The following CCDC60 variants were observed in gnomAD, a reference collection of about 807,000 sequenced individuals.
CCDC60 encodes the protein coiled-coil domain-containing protein 60.
Under a neutral mutation model 63.5 loss-of-function variants are expected in CCDC60, and 54 were observed. The observed-to-expected ratio is 0.85, with a 90% CI of 0.68 to 1.07. The LOEUF is 1.07. CCDC60 is among the 50% of genes least tolerant of loss of function. The pLI, the probability that CCDC60 is intolerant of heterozygous loss-of-function variation, is 0.00. For synonymous variants in CCDC60, 206 were observed against 238.8 expected (o/e 0.86, Z 1.27); for missense variants, 651 against 684.3 (o/e 0.95, Z 0.54).
intron 2 of CCDC60, among the ~76,000 whole-genome samples, chr12:119,432,383 T>C (rs1035352215): frequency 5.3e-5 from 8 of 152,212 alleles, no homozygotes; most frequent in African/African-American, 1.7e-4. Context: ...AGCAGGGACG[T>C]TGGATCAGAA....
At chr12:119,367,103 G>A (rs1955848177) in intron 1 of CCDC60, among the ~76,000 whole-genome samples, 2 of 152,162 alleles carry the variant, frequency 1.3e-5, no homozygotes, top group East Asian at 3.8e-4. Flanking sequence ...AAAGTGCTGG[G>A]ATTACAGGCG....
At chr12:119,504,770 C>T (rs1156899875) in intron 6 of CCDC60, among the ~76,000 whole-genome samples, 3 of 152,308 alleles carry the variant, frequency 2.0e-5, no homozygotes, top group East Asian at 1.9e-4. Context: ...ATGGAAAACA[C>T]GTTTGGCTTC....
intron 4 of CCDC60, among the ~76,000 whole-genome samples, chr12:119,483,084 T>C (rs1244852380): frequency 6.6e-6 from 1 of 152,172 alleles, no homozygotes; most frequent in East Asian, 1.9e-4. Flanking sequence ...TGAACACAGT[T>C]ACCCTCTCAC....
chr12:119,427,422 G>A lies in CCDC60; in HGVS notation c.91-1261G>A, dbSNP rs551730834. Among the ~76,000 whole-genome samples, 83 of 152,284 alleles carry A rather than the reference G, an allele frequency of 5.5e-4. 2 individuals carry two copies. In the South Asian group the frequency reaches 0.017, roughly 31 times the overall value. On this transcript the variant is annotated intron_variant, in intron 1 of 13. Transcript: ENST00000327554. ...TGCCGTTATACTTAATTGCTGCATTGTATTCCATTGTGTAGATACACCATA... is the reference window on the plus strand; with the variant it reads ...TGCCGTTATACTTAATTGCTGCATTATATTCCATTGTGTAGATACACCATA...
At chr12:119,447,351 T>C (rs569023134) in intron 2 of CCDC60, among the ~76,000 whole-genome samples, 2 of 152,274 alleles carry the variant, frequency 1.3e-5, no homozygotes, top group South Asian at 4.1e-4. Flanking sequence ...AAGGAGCCAT[T>C]GTGAATTCCT....
chr12:119,398,027 A>AGGAAGGGGCAGCGGGGG (rs1956304684), intron 1 of CCDC60, among the ~76,000 whole-genome samples: 1 of 20,182 alleles, frequency 5.0e-5, no homozygotes, highest in Non-Finnish European at 8.3e-5. Flanking sequence ...GGGCGGCGGG[A>AGGAAGGGGCAGCGGGGG]GGGAGGAAGG....
intron 1 of CCDC60, among the ~76,000 whole-genome samples, chr12:119,344,857 A>ACT (rs1955573672): frequency 2.5e-5 from 1 of 39,634 alleles, no homozygotes; most frequent in East Asian, 1.5e-3. Flanking sequence ...TCTCTCTCTC[A>ACT]CACACACACA....
chr12:119,496,286 G>T (rs1293097652), intron 5 of CCDC60, among the ~76,000 whole-genome samples: 1 of 152,242 alleles, frequency 6.6e-6, no homozygotes, highest in East Asian at 1.9e-4. Context: ...AGAGCACGAA[G>T]TATTTGAGAA....
chr12:119,383,371 C>CCA (rs1270315091), intron 1 of CCDC60, among the ~76,000 whole-genome samples: 1 of 152,212 alleles, frequency 6.6e-6, no homozygotes, highest in Non-Finnish European at 1.5e-5. Context: ...GCTATACCGA[C>CCA]CACATGGTCC....
intron 7 of CCDC60, among the ~76,000 whole-genome samples, chr12:119,512,384 G>T (rs1357191403): frequency 1.3e-5 from 2 of 152,178 alleles, no homozygotes; most frequent in Non-Finnish European, 2.9e-5. Context: ...GCTGCCAGGT[G>T]CTATCAATAA....
intron 1 of CCDC60, among the ~76,000 whole-genome samples, chr12:119,368,479 G>A (rs1592996202): frequency 1.3e-5 from 2 of 152,178 alleles, no homozygotes; most frequent in South Asian, 4.1e-4. Context: ...AAAGTCCAAG[G>A]AGCTTGCTGG....
intron 1 of CCDC60, among the ~76,000 whole-genome samples, chr12:119,337,808 ATGTG>A (rs796285545): frequency 7.2e-6 from 1 of 138,006 alleles, no homozygotes; most frequent in Non-Finnish European, 1.6e-5. Context: ...AGATTCACGC[ATGTG>A]TGTGTGTGTA....
Position 119,523,899 on chromosome 12 carries a change from G to C in CCDC60, c.1229+81G>C, listed in dbSNP as rs878918837. 6 of 1,437,610 alleles carry C rather than the reference G, an allele frequency of 4.2e-6. No individual in the cohort carries two copies. The South Asian group carries it at 7.5e-5, about 18-fold the overall frequency. 89.1% of individuals were successfully genotyped at this position (1,437,610 alleles called of 1,614,324 possible). ...ATGCCTGCCAGGTGCCAGGTGCTGG[G>C]GCTATATCACAAACAAGAAGAACTT... On this transcript the variant is annotated intron_variant, in intron 11 of 13. Coordinates refer to ENST00000327554, the MANE Select transcript of CCDC60 (RefSeq NM_178499.5).
rs186340553 is a variant in CCDC60, at chr12:119,482,097, T to C, written c.449+2896T>C. 7.9e-3 allele frequency among the ~76,000 whole-genome samples: 1,141 copies of C among 144,850 alleles called. 11 individuals carry two copies. The highest frequency in any genetic ancestry group is 0.027 in the African/African-American group (1,062 of 39,218). On this transcript the variant is annotated intron_variant, in intron 4 of 13. Transcript: ENST00000327554. ...TACTACTCATCCATATATATATATA[T>C]ACACATATATACACACATATATATA...
At chr12:119,522,451 C>T (rs1309477140) in intron 9 of CCDC60, among the ~76,000 whole-genome samples, 1 of 152,200 alleles carries the variant, frequency 6.6e-6, no homozygotes, top group Non-Finnish European at 1.5e-5. Flanking sequence ...GAGCTGCTTG[C>T]TCACAGACTG....
rs150848411 is a variant in CCDC60, at chr12:119,452,629, C to T, written c.171-19365C>T. 6.9e-3 allele frequency among the ~76,000 whole-genome samples: 1,044 copies of T among 152,266 alleles called. 6 individuals are homozygous for T. Among genetic ancestry groups the T allele is most frequent in the Non-Finnish European group, 9.5e-3 (645 of 68,024 alleles). ...AGCTGCAAAAGCTTTCTCACAGTTACTGGCACACGGTAATGAGTCATATTC... is the reference window on the plus strand; with the variant it reads ...AGCTGCAAAAGCTTTCTCACAGTTATTGGCACACGGTAATGAGTCATATTC... On this transcript the variant is annotated intron_variant, in intron 2 of 13. Coordinates refer to ENST00000327554, the MANE Select transcript of CCDC60 (RefSeq NM_178499.5).
At chr12:119,358,198 G>A (rs1955737541) in intron 1 of CCDC60, among the ~76,000 whole-genome samples, 1 of 152,128 alleles carries the variant, frequency 6.6e-6, no homozygotes, top group Admixed American at 6.5e-5. Context: ...ATTTGGGTGG[G>A]ACACAGATCC....
chr12:119,452,051 T>C (rs934105751), intron 2 of CCDC60, among the ~76,000 whole-genome samples: 2 of 152,206 alleles, frequency 1.3e-5, no homozygotes, highest in Non-Finnish European at 2.9e-5. Flanking sequence ...AGAATGAGTA[T>C]AATATGGTGT....
chr12:119,516,520 C>G (rs1566056623), intron 7 of CCDC60, 103 bp from the exon 8 acceptor site: 5 of 713,318 alleles, frequency 7.0e-6, no homozygotes, highest in East Asian at 5.0e-5. Context: ...CTCCAACCCT[C>G]AGGAGCAGAG....
Sources: allele counts gnomAD v4.1 joint callset (sites outside exome capture counted in the v4.1 genomes callset), GRCh38; gene constraint gnomAD v4.1.1; transcripts MANE v1.5; gene names NCBI Gene and HGNC (gene_info 2026-07-23, HGNC 2026-07-21).